CHTF8: variants seen among roughly 807,000 people sequenced by gnomAD.
CHTF8 encodes the protein chromosome transmission fidelity protein 8 homolog.
A neutral mutation model predicts 11.0 loss-of-function variants in CHTF8; 6 were observed. The observed-to-expected ratio is 0.55, with a 90% CI of 0.30 to 1.08. The LOEUF (loss-of-function observed/expected upper bound fraction) is 1.08. Ranked by LOEUF, CHTF8 falls within the 50% of genes least tolerant of loss-of-function variation. The probability of loss-of-function intolerance (pLI) is 0.07; values close to 1 mark genes in which losing one functional copy is unlikely to be tolerated. For synonymous variants in CHTF8, 53 were observed against 60.5 expected, an observed-to-expected ratio of 0.88 and a Z score of 0.57; for missense variants, 140 against 153.1, an observed-to-expected ratio of 0.91 and a Z score of 0.45.
chr16:69,120,603 A>T lies in CHTF8; in HGVS notation c.188T>A (p.Ile63Asn), dbSNP rs779618288. Residue 63 changes from isoleucine to asparagine, a missense_variant, in exon 4 of 4, where the codon ATC becomes AAC. Transcript: ENST00000448552. This position sits in a 1 kb window ranked among gnomAD's most constrained non-coding sequence, Gnocchi z 4.0. ...IVGHHILYGK[I>N]IHLEKPFAVL... is the part of the protein sequence containing the mutation. ...TGCAAAAGGTTTCTCCAGGTGGATG[A>T]TTTTCCCATACAGGATATGATGCCC... 9.3e-6 allele frequency: 15 copies of T among 1,613,690 alleles called. No homozygotes were observed. The highest frequency in any genetic ancestry group is 1.3e-5 in the African/African-American group (1 of 74,856).
rs1567585616 is a variant in CHTF8, at chr16:69,118,740, G to A, written c.*1685C>T. Reference sequence around the variant, plus strand: ...AAAAAGATGGCTCATTTGAACTTGAGCCCAAGCTATGTTCTTCAGACTGTA... The same window carrying A: ...AAAAAGATGGCTCATTTGAACTTGAACCCAAGCTATGTTCTTCAGACTGTA... On this transcript the variant is annotated 3_prime_UTR_variant, in exon 4 of 4. Transcript: ENST00000448552. 4 of 639,430 alleles carry A rather than the reference G, an allele frequency of 6.3e-6. No homozygotes were observed. Among genetic ancestry groups the A allele is most frequent in the East Asian group, 2.7e-5 (1 of 36,842 alleles). 39.6% of individuals were successfully genotyped at this position (639,430 alleles called of 1,614,324 possible).
chr16:69,123,524 G>C (rs1408973547), intron 1 of CHTF8, among the ~76,000 whole-genome samples: 2 of 151,982 alleles, frequency 1.3e-5, no homozygotes, highest in Non-Finnish European at 2.9e-5. Context: ...GGGTGTGGTG[G>C]CAGGCACCCA....
chr16:69,128,762 G>GT (rs1962275055), intron 1 of CHTF8, among the ~76,000 whole-genome samples: 1 of 151,936 alleles, frequency 6.6e-6, no homozygotes, highest in African/African-American at 2.4e-5. Flanking sequence ...TTTGAAATTA[G>GT]TAACTATTAT....
chr16:69,130,700 G>A (rs1220492508), intron 1 of CHTF8, among the ~76,000 whole-genome samples: 1 of 152,160 alleles, frequency 6.6e-6, no homozygotes, highest in East Asian at 1.9e-4. Context: ...AAGCCTTCAG[G>A]GTCAAGCTAT....
chr16:69,124,558 G>C lies in CHTF8; in HGVS notation c.-35-3065C>G, dbSNP rs960042254. On this transcript the variant is annotated intron_variant, in intron 1 of 3. Coordinates refer to ENST00000448552, the MANE Select transcript of CHTF8 (RefSeq NM_001039690.5). ...CTTGCCTCAGCCTCCTGAGTAGCTG[G>C]GATTACAGGCGCCCGCCACCACGCC... Among the ~76,000 whole-genome samples the C allele has an allele frequency of 2.0e-5, 3 of 151,886 alleles. No homozygotes were observed. The East Asian group carries it at 5.8e-4, about 30-fold the overall frequency.
chr16:69,121,602 C>T (rs551658268), intron 1 of CHTF8, 109 bp from the exon 2 acceptor site: 34 of 633,124 alleles, frequency 5.4e-5, no homozygotes, highest in Admixed American at 3.9e-4. Context: ...CTCAGCCTCC[C>T]GAGTAGCTGG....
At chr16:69,123,925 TAAAAAAAAAAAAA>T (rs757493986) in intron 1 of CHTF8, among the ~76,000 whole-genome samples, 1 of 76,962 alleles carries the variant, frequency 1.3e-5, no homozygotes, top group Non-Finnish European at 2.5e-5. Flanking sequence ...CCATCTCTAC[TAAAAAAAAAAAAA>T]AAAAAAAAAC....
At position 69,120,659 on chromosome 16, in the gene CHTF8, A is replaced by G. The variant is rs764061264; in HGVS notation, c.142-10T>C. 6.2e-7 allele frequency: 1 copy of G among 1,601,650 alleles called. No homozygotes were observed. Among genetic ancestry groups the G allele is most frequent in the Non-Finnish European group, 8.5e-7 (1 of 1,170,330 alleles). On this transcript the variant is annotated splice_polypyrimidine_tract_variant and intron_variant, in intron 3 of 3. Transcript: ENST00000448552. The surrounding 1 kb of genome is among the most constrained non-coding windows in gnomAD (Gnocchi z 4.0). The stretch of plus-strand genomic sequence containing the variant: ...TCAGCACAGGGATTCCCTTTGGCAG[A>G]ACAAGAACGAGATTCCTGAGGTTCC...
intron 1 of CHTF8, among the ~76,000 whole-genome samples, chr16:69,127,293 TGA>T (rs933672144): frequency 1.3e-5 from 2 of 149,790 alleles, no homozygotes; most frequent in African/African-American, 4.9e-5. Flanking sequence ...CCCATCCCCT[TGA>T]GAGTAGACAG....
intron 1 of CHTF8, among the ~76,000 whole-genome samples, chr16:69,131,596 C>T (rs1171380390): frequency 6.7e-6 from 1 of 149,692 alleles, no homozygotes; most frequent in Non-Finnish European, 1.5e-5. Context: ...CTTCTCAATC[C>T]GCTTCCCCCC....
chr16:69,122,365 CTTTTT>C (rs869246617), intron 1 of CHTF8, among the ~76,000 whole-genome samples: 4 of 140,436 alleles, frequency 2.8e-5, no homozygotes, highest in South Asian at 4.5e-4. Context: ...TAAGGATATT[CTTTTT>C]TTTTTTTTTT....
intron 2 of CHTF8, 62 bp downstream of exon 2, chr16:69,121,374 T>C (rs1032708037): frequency 1.4e-6 from 2 of 1,441,510 alleles, no homozygotes; most frequent in Non-Finnish European, 1.9e-6. Context: ...TCCAGACACA[T>C]GGCACACCTC....
Position 69,126,815 on chromosome 16 carries a change from C to A in CHTF8, c.-35-5322G>T, listed in dbSNP as rs570051202. 8.5e-5 allele frequency among the ~76,000 whole-genome samples: 13 copies of A among 152,278 alleles called. No individual in the cohort carries two copies. In the East Asian group the frequency reaches 2.5e-3, roughly 29 times the overall value. ...CTGTAACACCTGAATTCTGTTATTT[C>A]TTTTCTTGCTCCTTGAGATTCTACT... On this transcript the variant is annotated intron_variant, in intron 1 of 3. Coordinates refer to ENST00000448552, the MANE Select transcript of CHTF8 (RefSeq NM_001039690.5).
chr16:69,124,981 C>G (rs895923095), intron 1 of CHTF8, among the ~76,000 whole-genome samples: 2 of 152,106 alleles, frequency 1.3e-5, no homozygotes, highest in Non-Finnish European at 1.5e-5. Flanking sequence ...CTCGGCTCAC[C>G]GCAACCTCCA....
At position 69,120,356 on chromosome 16, in the gene CHTF8, G is replaced by A. The variant is rs1333876342; in HGVS notation, c.*69C>T. On this transcript the variant is annotated 3_prime_UTR_variant, in exon 4 of 4. Transcript: ENST00000448552. The surrounding 1 kb of genome is among the most constrained non-coding windows in gnomAD (Gnocchi z 4.0). ...TGTGGTCCCAGGGAACCGTCGAGCC[G>A]TCCTCGAGGTGGCAGCGGAGCACGA... is the stretch of plus-strand genomic sequence containing the variant. 2.0e-6 allele frequency: 3 copies of A among 1,501,992 alleles called. No homozygotes were observed. The highest frequency in any genetic ancestry group is 2.3e-5 in the East Asian group (1 of 44,326). 93.0% of individuals were successfully genotyped at this position (1,501,992 alleles called of 1,614,324 possible).
At chr16:69,122,449 T>C (rs1233786885) in intron 1 of CHTF8, among the ~76,000 whole-genome samples, 1 of 151,746 alleles carries the variant, frequency 6.6e-6, no homozygotes, top group Non-Finnish European at 1.5e-5. Context: ...CTCGGCTCAC[T>C]GCAACCTCTG....
At chr16:69,130,029 G>C (rs1567595231) in intron 1 of CHTF8, among the ~76,000 whole-genome samples, 1 of 152,200 alleles carries the variant, frequency 6.6e-6, no homozygotes, top group Non-Finnish European at 1.5e-5. Context: ...GACATTCTTT[G>C]TCAAGTATTC....
At chr16:69,127,803 T>G (rs192746764) in intron 1 of CHTF8, among the ~76,000 whole-genome samples, 34 of 151,878 alleles carry the variant, frequency 2.2e-4, no homozygotes, top group Non-Finnish European at 3.4e-4. Context: ...AGAGACAGGG[T>G]TTCACCATCT....
chr16:69,121,440 A>C lies in CHTF8; in HGVS notation c.19T>G (p.Ser7Ala). MVQIVISSARAGGLAEW... is the reference protein window; with the variant it reads MVQIVIASARAGGLAEW... ...AAAATCTCAAAATGTACTTACCTGGAAATAACAATTTGCACCATGAGCTTT... is the reference window on the plus strand; with the variant it reads ...AAAATCTCAAAATGTACTTACCTGGCAATAACAATTTGCACCATGAGCTTT... Residue 7 changes from serine (S) to alanine (A), a missense_variant, in exon 2 of 4, where the codon TCC becomes GCC. Transcript: ENST00000448552. 1 of 1,607,706 alleles carries C rather than the reference A, an allele frequency of 6.2e-7. No individual in the cohort carries two copies. Among genetic ancestry groups the C allele is most frequent in the Non-Finnish European group, 8.5e-7 (1 of 1,178,236 alleles).
Sources: gnomAD v4.1 joint callset for allele counts (sites outside exome capture counted in the v4.1 genomes callset) on GRCh38, gnomAD v4.1.1 for gene constraint, Gnocchi (gnomAD v3.1) non-coding constraint, MANE v1.5 for transcripts, NCBI Gene and HGNC (gene_info 2026-07-23, HGNC 2026-07-21) for gene names.